The following EDA variants were observed in gnomAD, a reference collection of about 807,000 sequenced individuals.
EDA encodes ectodysplasin-A.
A neutral mutation model predicts 23.6 loss-of-function variants in EDA; 2 were observed. The ratio of observed to expected loss-of-function variants is 0.08; its 90% CI spans 0.03 to 0.27. The LOEUF is 0.27. Among genes scored for constraint, EDA ranks in the 10% least tolerant of loss-of-function variants. The probability of loss-of-function intolerance (pLI) is 1.00; values close to 1 mark genes in which losing one functional copy is unlikely to be tolerated. For synonymous variants in EDA, 131 were observed against 132.0 expected (o/e 0.99, Z 0.05); for missense variants, 229 against 324.2 (o/e 0.71, Z 2.26).
chrX:69,656,534 A>G (rs1005474096), intron 1 of EDA, among the ~76,000 whole-genome samples: 1 of 111,672 alleles, frequency 9.0e-6, no homozygotes, highest in Non-Finnish European at 1.9e-5. Context: ...CAGGGGGGAC[A>G]TGTGCAGTTT....
At chrX:69,779,762 G>A (rs1156685322) in intron 1 of EDA, among the ~76,000 whole-genome samples, 4 of 111,100 alleles carry the variant, frequency 3.6e-5, no homozygotes, top group African/African-American at 9.8e-5. Context: ...CAAACAAAAC[G>A]AACAAAAACA....
chrX:69,834,683 T>G (rs2016722450), intron 1 of EDA, among the ~76,000 whole-genome samples: 1 of 111,426 alleles, frequency 9.0e-6, no homozygotes, highest in African/African-American at 3.3e-5. Context: ...CCAGTCTGTG[T>G]CTTTTAACTG....
chrX:69,765,516 C>T (rs2014444020), intron 1 of EDA, among the ~76,000 whole-genome samples: 2 of 112,056 alleles, frequency 1.8e-5, no homozygotes, highest in Admixed American at 1.9e-4. Flanking sequence ...TCATAACCAT[C>T]ACTGGTGTTC....
intron 1 of EDA, among the ~76,000 whole-genome samples, chrX:69,748,409 A>G (rs2013690815): frequency 8.9e-6 from 1 of 111,854 alleles, no homozygotes; most frequent in East Asian, 2.8e-4. Context: ...ACTCATGACC[A>G]CAGGGATAGG....
At chrX:69,631,719 GCTTAAAC>G (rs1932601107) in intron 1 of EDA, among the ~76,000 whole-genome samples, 1 of 108,798 alleles carries the variant, frequency 9.2e-6, no homozygotes, top group Non-Finnish European at 1.9e-5. Flanking sequence ...TTTCCTAATA[GCTTAAAC>G]CTTAGTAATA....
At chrX:69,837,160 T>C (rs757212749) in intron 1 of EDA, among the ~76,000 whole-genome samples, 7 of 111,608 alleles carry the variant, frequency 6.3e-5, no homozygotes. Flanking sequence ...TTCAGGAAGT[T>C]TGATAATGTG....
intron 1 of EDA, among the ~76,000 whole-genome samples, chrX:69,664,166 T>C (rs1933602882): frequency 9.0e-6 from 1 of 111,712 alleles, no homozygotes; most frequent in East Asian, 2.8e-4. Context: ...ACATGAGATT[T>C]GGGAAGGGCC....
chrX:69,675,229 C>A (rs914333342), intron 1 of EDA, among the ~76,000 whole-genome samples: 2 of 111,783 alleles, frequency 1.8e-5, no homozygotes, highest in African/African-American at 6.5e-5. Flanking sequence ...AATCTGCCCT[C>A]CTCAGCCTCC....
At chrX:69,864,183 C>A (rs772323568) in intron 1 of EDA, among the ~76,000 whole-genome samples, 6 of 111,190 alleles carry the variant, frequency 5.4e-5, no homozygotes, top group Non-Finnish European at 9.4e-5. Flanking sequence ...CAACCAAGGA[C>A]CCTCACAGAG....
intron 1 of EDA, among the ~76,000 whole-genome samples, chrX:69,925,936 G>C (rs777747606): frequency 2.0e-4 from 22 of 110,555 alleles, no homozygotes; most frequent in African/African-American, 7.2e-4. Flanking sequence ...AGATTTTCTA[G>C]TTTATTTGCA....
intron 1 of EDA, among the ~76,000 whole-genome samples, chrX:69,803,967 T>C (rs978100216): frequency 9.0e-6 from 1 of 111,219 alleles, no homozygotes; most frequent in African/African-American, 3.3e-5. Context: ...GTTCCATCCA[T>C]GTTGCCACAA....
intron 1 of EDA, among the ~76,000 whole-genome samples, chrX:69,819,121 A>G (rs2016149928): frequency 8.9e-6 from 1 of 112,505 alleles, no homozygotes; most frequent in South Asian, 3.7e-4. Flanking sequence ...ATAAAACCAC[A>G]TGATTATCTC....
intron 2 of EDA, among the ~76,000 whole-genome samples, chrX:69,972,380 C>T (rs775135631): frequency 2.7e-5 from 3 of 111,575 alleles, no homozygotes; most frequent in African/African-American, 9.7e-5. Context: ...AGCACGATGG[C>T]TGTAACTAGG....
intron 1 of EDA, among the ~76,000 whole-genome samples, chrX:69,739,887 T>G (rs1442177464): frequency 5.4e-5 from 6 of 111,433 alleles, no homozygotes; most frequent in Non-Finnish European, 9.5e-5. Flanking sequence ...TTATATGTAT[T>G]GCCTTATATA....
chrX:69,786,867 A>T, intron 1 of EDA, among the ~76,000 whole-genome samples: 1 of 109,271 alleles, frequency 9.2e-6, no homozygotes, highest in Admixed American at 9.8e-5. Flanking sequence ...TGTCTCATTG[A>T]TCTGTCTGAT....
At chrX:69,708,354 G>A (rs749612404) in intron 1 of EDA, among the ~76,000 whole-genome samples, 1 of 111,580 alleles carries the variant, frequency 9.0e-6, no homozygotes, top group African/African-American at 3.3e-5. Flanking sequence ...TGGCTGCTGT[G>A]ATTGGTGGAC....
chrX:69,670,479 T>G (rs958219556), intron 1 of EDA, among the ~76,000 whole-genome samples: 2 of 111,240 alleles, frequency 1.8e-5, no homozygotes, highest in African/African-American at 6.5e-5. Context: ...ATTGTTTCAT[T>G]AAATAATATT....
At chrX:69,780,968 G>A (rs2014924675) in intron 1 of EDA, among the ~76,000 whole-genome samples, 1 of 111,948 alleles carries the variant, frequency 8.9e-6, no homozygotes, top group African/African-American at 3.2e-5. Flanking sequence ...TGTCTATGAT[G>A]TACATTTTAT....
intron 1 of EDA, among the ~76,000 whole-genome samples, chrX:69,755,111 G>A (rs2014058576): frequency 2.7e-5 from 3 of 112,182 alleles, no homozygotes; most frequent in Non-Finnish European, 5.6e-5. Flanking sequence ...GTGAGGAGCT[G>A]AGTTCCTTTG....
Sources: allele counts gnomAD v4.1 joint callset (sites outside exome capture counted in the v4.1 genomes callset), GRCh38; gene constraint gnomAD v4.1.1; transcripts MANE v1.5; gene names NCBI Gene and HGNC (gene_info 2026-07-23, HGNC 2026-07-21).